DOT1L: variants seen among roughly 807,000 people sequenced by gnomAD.
DOT1L encodes histone-lysine N-methyltransferase, H3 lysine-79 specific.
Under a neutral mutation model 153.3 loss-of-function variants are expected in DOT1L, and 33 were observed. That is an observed-to-expected ratio of 0.22 (90% CI 0.16 to 0.29). The LOEUF (loss-of-function observed/expected upper bound fraction) is 0.29, where lower values mean the gene tolerates loss of function less well. Ranked by LOEUF, DOT1L falls within the 10% of genes least tolerant of loss-of-function variation. The pLI, the probability that DOT1L is intolerant of heterozygous loss-of-function variation, is 1.00. For synonymous variants in DOT1L, 1,135 were observed against 965.1 expected, an observed-to-expected ratio of 1.18 and a Z score of -3.26; for missense variants, 1,847 against 2,119.9, an observed-to-expected ratio of 0.87 and a Z score of 2.53.
rs781057482 is a variant in DOT1L, at chr19:2,214,000, C to T, written c.1797+14C>T. On this transcript the variant is annotated intron_variant, in intron 18 of 27. Transcript: ENST00000398665. ...AGCTTGCAGCTGGTGGGTGCCGCGGCGCAAGGACAGGGACGTGGAACCAGA... is the reference window on the plus strand; with the variant it reads ...AGCTTGCAGCTGGTGGGTGCCGCGGTGCAAGGACAGGGACGTGGAACCAGA... 1.9e-5 allele frequency: 30 copies of T among 1,610,778 alleles called. No individual in the cohort carries two copies. The highest frequency in any genetic ancestry group is 1.6e-4 in the East Asian group (7 of 44,786).
chr19:2,171,654 T>C (rs1259002320), intron 1 of DOT1L, among the ~76,000 whole-genome samples: 1 of 152,178 alleles, frequency 6.6e-6, no homozygotes, highest in South Asian at 2.1e-4. Context: ...ACATGCCTTC[T>C]CCTGGGGGTA....
rs2024561172 is a variant in DOT1L, at chr19:2,230,657, A to C, written c.*865A>C. On this transcript the variant is annotated 3_prime_UTR_variant, in exon 28 of 28. Coordinates refer to ENST00000398665, the MANE Select transcript of DOT1L (RefSeq NM_032482.3). ...ACTAATGAGTGGCAGTATTTTATAG[A>C]GATGTGATGAGAATTTATAAATTTC... The C allele has an allele frequency of 7.5e-6, 3 of 398,260 alleles. No homozygotes were observed. Among genetic ancestry groups the C allele is most frequent in the South Asian group, 2.6e-4 (2 of 7,706 alleles). The allele number at this position is 398,260 out of a possible 1,614,324, so 24.7% of individuals were successfully genotyped here.
At chr19:2,225,970 CCT>C (rs2024311488) in intron 26 of DOT1L, among the ~76,000 whole-genome samples, 1 of 152,148 alleles carries the variant, frequency 6.6e-6, no homozygotes, top group Non-Finnish European at 1.5e-5. Context: ...GCCATCTCAT[CCT>C]GTGCTGTAGT....
chr19:2,207,272 G>A lies in DOT1L; in HGVS notation c.857-302G>A, dbSNP rs2023535193. Among the ~76,000 whole-genome samples the A allele has an allele frequency of 6.6e-6, 1 of 152,208 alleles. No individual in the cohort carries two copies. The highest frequency in any genetic ancestry group is 2.1e-4 in the South Asian group (1 of 4,830). ...CCGGGAGGTGCCTGTGTTGCTGGAT[G>A]CTGGCCGTTCTTGCAGCCGTGATCT... On this transcript the variant is annotated intron_variant, in intron 10 of 27. Transcript: ENST00000398665. The surrounding 1 kb of genome is among the most constrained non-coding windows in gnomAD (Gnocchi z 4.5).
intron 1 of DOT1L, among the ~76,000 whole-genome samples, chr19:2,171,761 T>C (rs1599530081): frequency 6.6e-6 from 1 of 152,226 alleles, no homozygotes; most frequent in African/African-American, 2.4e-5. Context: ...CCGCCCACTG[T>C]GTCCCCCTGA....
chr19:2,177,024 G>A (rs1338115324), intron 1 of DOT1L, among the ~76,000 whole-genome samples: 1 of 152,192 alleles, frequency 6.6e-6, no homozygotes, highest in African/African-American at 2.4e-5. Flanking sequence ...GAGCAGGCTG[G>A]CCCTCTGGGT....
chr19:2,209,994 C>G (rs998880299), intron 12 of DOT1L, among the ~76,000 whole-genome samples: 1 of 152,204 alleles, frequency 6.6e-6, no homozygotes, highest in Non-Finnish European at 1.5e-5. Context: ...GCATGGCGTC[C>G]CATGTGTGGG....
At position 2,222,368 on chromosome 19, in the gene DOT1L, C is replaced by T; in HGVS notation, c.3199C>T (p.Leu1067=). The change falls in exon 24 of 28, where the codon CTG becomes TTG. Residue 1067 remains leucine, a synonymous_variant. Transcript: ENST00000398665. The surrounding 1 kb of genome is among the most constrained non-coding windows in gnomAD (Gnocchi z 6.5). The part of the protein sequence containing the change: ...KQSPSSKHSP[L]TASARGDCVP... ...GTCGCCCTCCAGCAAGCACAGCCCC[C>T]TGACCGCCAGCGCCCGTGGGGACTG... 1 of 1,612,082 alleles carries T rather than the reference C, an allele frequency of 6.2e-7. No individual in the cohort carries two copies.
rs528037166 is a variant in DOT1L, at chr19:2,222,591, G to A, written c.3390+32G>A. On this transcript the variant is annotated intron_variant, in intron 24 of 27. Coordinates refer to ENST00000398665, the MANE Select transcript of DOT1L (RefSeq NM_032482.3). The surrounding 1 kb of genome is among the most constrained non-coding windows in gnomAD (Gnocchi z 6.5). ...ATGGGGACCGGCAGGGCTGGGGAGC[G>A]CGGCCTGTGAAAGAAAGACCAGAGG... 77 of 1,502,906 alleles carry A rather than the reference G, an allele frequency of 5.1e-5. No homozygotes were observed. The African/African-American group carries it at 6.2e-4, about 12-fold the overall frequency. 93.1% of individuals were successfully genotyped at this position (1,502,906 alleles called of 1,614,324 possible).
chr19:2,211,256 G>A, intron 15 of DOT1L, 44 bp downstream of exon 15: 1 of 1,524,266 alleles, frequency 6.6e-7, no homozygotes, highest in Non-Finnish European at 8.9e-7. Flanking sequence ...TGGGCTTGGG[G>A]TCATCCCAGG....
intron 3 of DOT1L, among the ~76,000 whole-genome samples, chr19:2,189,220 G>A (rs565810077): frequency 6.6e-6 from 1 of 152,342 alleles, no homozygotes; most frequent in East Asian, 1.9e-4. Context: ...GTGTGGGTGG[G>A]GGTGAGGCAT....
rs563193813 is a variant in DOT1L, at chr19:2,225,009, G to A, written c.3597-379G>A. Among the ~76,000 whole-genome samples the A allele has an allele frequency of 5.9e-5, 9 of 152,328 alleles. No individual in the cohort carries two copies. The South Asian group carries it at 1.9e-3, about 32-fold the overall frequency. Reference sequence around the variant, plus strand: ...GGCCTGCAATGCTGTGGCATTGTTTGCCACCTGAGGCACCGAGGTCTGAGA... The same window carrying A: ...GGCCTGCAATGCTGTGGCATTGTTTACCACCTGAGGCACCGAGGTCTGAGA... On this transcript the variant is annotated intron_variant, in intron 25 of 27. Transcript: ENST00000398665.
Position 2,226,328 on chromosome 19 carries a change from G to A in DOT1L, c.3807G>A (p.Gln1269=). Reference sequence around the variant, plus strand: ...TGCAGGCCAGCTCCGCCCTCAGCCAGAACTCCCTGTTCACGTTCCGGCCCG... The same window carrying A: ...TGCAGGCCAGCTCCGCCCTCAGCCAAAACTCCCTGTTCACGTTCCGGCCCG... ...SPLQASSALS[Q]NSLFTFRPAL... is the part of the protein sequence containing the mutation. The change falls in exon 27 of 28, where the codon CAG becomes CAA. Residue 1269 remains glutamine (Q), a synonymous_variant. Transcript: ENST00000398665. 6.3e-7 allele frequency: 1 copy of A among 1,597,874 alleles called. No individual in the cohort carries two copies. The highest frequency in any genetic ancestry group is 8.5e-7 in the Non-Finnish European group (1 of 1,173,986).
intron 1 of DOT1L, among the ~76,000 whole-genome samples, chr19:2,178,455 T>C (rs1046094768): frequency 6.6e-6 from 1 of 150,448 alleles, no homozygotes; most frequent in African/African-American, 2.4e-5. Flanking sequence ...TCTTGCTCTT[T>C]TGCCCAGGCT....
rs1450306495 is a variant in DOT1L at position 2,220,142 on chromosome 19, A to G, written c.2726A>G (p.Asp909Gly). ...CCCAGTCCCGTGCTGCAGCCCCGTG[A>G]CCCCTCGTCCACACTTGAAAAGCAG... Reference protein sequence around the residue: ...STPSPVLQPRDPSSTLEKQIG... With the variant: ...STPSPVLQPRGPSSTLEKQIG... The change falls in exon 23 of 28, where the codon GAC becomes GGC. Residue 909 changes from aspartate (D) to glycine (G), a missense_variant. Physicochemically the swap from Asp to Gly is moderately conservative, Grantham distance 94 (BLOSUM62 -1). This residue lies in a region of DOT1L where 68 missense variants were observed against 80.7 expected (regional missense o/e 0.84). Coordinates refer to ENST00000398665, the MANE Select transcript of DOT1L (RefSeq NM_032482.3). The surrounding 1 kb of genome is among the most constrained non-coding windows in gnomAD (Gnocchi z 4.5). The G allele has an allele frequency of 6.2e-7, 1 of 1,612,594 alleles. No individual in the cohort carries two copies. Among genetic ancestry groups the G allele is most frequent in the Non-Finnish European group, 8.5e-7 (1 of 1,179,242 alleles).
At position 2,222,205 on chromosome 19, in the gene DOT1L, T is replaced by C; in HGVS notation, c.3036T>C (p.Leu1012=). ...ACCAGCTCTCCTCCAGTCCCCGGCT[T>C]GGTGGGGCCGCCCAGGGCCCGTTGC... The part of the protein sequence containing the change: ...PAHQLSSSPR[L]GGAAQGPLPE... The change falls in exon 24 of 28, where the codon CTT becomes CTC. Residue 1012 remains leucine, a synonymous_variant. Transcript: ENST00000398665. The surrounding 1 kb of genome is among the most constrained non-coding windows in gnomAD (Gnocchi z 6.5). 3.1e-6 allele frequency: 5 copies of C among 1,613,032 alleles called. No homozygotes were observed. The highest frequency in any genetic ancestry group is 4.2e-6 in the Non-Finnish European group (5 of 1,179,848).
At chr19:2,182,060 TA>T (rs1023787986) in intron 2 of DOT1L, among the ~76,000 whole-genome samples, 5 of 150,504 alleles carry the variant, frequency 3.3e-5, no homozygotes, top group East Asian at 1.9e-4. Flanking sequence ...CTGTCTCTAC[TA>T]AAAAAAAACA....
chr19:2,169,739 G>A (rs1398976800), intron 1 of DOT1L, among the ~76,000 whole-genome samples: 1 of 152,172 alleles, frequency 6.6e-6, no homozygotes, highest in Non-Finnish European at 1.5e-5. Flanking sequence ...TGTGCTCCCA[G>A]GTTGCAGTCC....
chr19:2,215,047 C>T (rs748485804), intron 19 of DOT1L, among the ~76,000 whole-genome samples: 4 of 152,022 alleles, frequency 2.6e-5, no homozygotes, highest in East Asian at 3.9e-4. Flanking sequence ...GGGACTCTGT[C>T]TCTAGCAAAA....
Sources: allele counts gnomAD v4.1 joint callset (sites outside exome capture counted in the v4.1 genomes callset), GRCh38; gene constraint gnomAD v4.1.1; regional missense constraint gnomAD v4.1.1; non-coding constraint Gnocchi (gnomAD v3.1); transcripts MANE v1.5; gene names NCBI Gene and HGNC (gene_info 2026-07-23, HGNC 2026-07-21).